PSMD3: variants seen among roughly 807,000 people sequenced by gnomAD.
PSMD3 encodes the protein 26S proteasome non-ATPase regulatory subunit 3.
Under a neutral mutation model 62.8 loss-of-function variants are expected in PSMD3, and 5 were observed. The observed-to-expected ratio is 0.08, with a 90% CI of 0.04 to 0.17. PSMD3 has a LOEUF of 0.17. Ranked by LOEUF, PSMD3 falls within the 10% of genes least tolerant of loss-of-function variation. The pLI, the probability that PSMD3 is intolerant of heterozygous loss-of-function variation, is 1.00. For synonymous variants in PSMD3, 265 were observed against 283.9 expected (o/e 0.93, Z 0.67); for missense variants, 524 against 713.6 (o/e 0.73, Z 3.03).
intron 2 of PSMD3, 141 bp downstream of exon 2, chr17:39,984,625 T>G: frequency 1.3e-6 from 1 of 748,400 alleles, no homozygotes; most frequent in Non-Finnish European, 2.1e-6. Context: ...TGAATACTCA[T>G]CTGCACAGTG....
intron 11 of PSMD3, 27 bp from the exon 12 acceptor site, chr17:39,997,477 T>C: frequency 6.2e-7 from 1 of 1,613,910 alleles, no homozygotes; most frequent in South Asian, 1.1e-5. Flanking sequence ...GCTCTGAAGC[T>C]TTGGCCTCAC....
Position 39,996,668 on chromosome 17 carries a change from A to G in PSMD3, c.1476+330A>G. ...CTGTTTCTCCATCTCTGAAGCTGAT[A>G]GGGAGGTGTTACCTGTCTTGCTTGC... On this transcript the variant is annotated intron_variant, in intron 10 of 11. Coordinates refer to ENST00000264639, the MANE Select transcript of PSMD3 (RefSeq NM_002809.4). The surrounding 1 kb of genome is among the most constrained non-coding windows in gnomAD (Gnocchi z 5.1). 2 of 516,638 alleles carry G rather than the reference A, an allele frequency of 3.9e-6. No individual in the cohort carries two copies. Among genetic ancestry groups the G allele is most frequent in the Non-Finnish European group, 7.5e-6 (2 of 267,222 alleles). The allele number at this position is 516,638 out of a possible 1,614,324, so 32.0% of individuals were successfully genotyped here.
Position 39,996,421 on chromosome 17 carries a change from G to A in PSMD3, c.1476+83G>A, listed in dbSNP as rs922492434. On this transcript the variant is annotated intron_variant, in intron 10 of 11. Transcript: ENST00000264639. This position sits in a 1 kb window ranked among gnomAD's most constrained non-coding sequence, Gnocchi z 5.1. ...CTCATGGATTCCTCAGAGAAGACTGGCTTAATTTGTGGCCCACGTCCCAGC... is the reference window on the plus strand; with the variant it reads ...CTCATGGATTCCTCAGAGAAGACTGACTTAATTTGTGGCCCACGTCCCAGC... 83 of 1,523,390 alleles carry A rather than the reference G, an allele frequency of 5.4e-5. No individual in the cohort carries two copies. Among genetic ancestry groups the A allele is most frequent in the Non-Finnish European group, 6.5e-5 (73 of 1,122,588 alleles). 94.4% of individuals were successfully genotyped at this position (1,523,390 alleles called of 1,614,324 possible). A position where few individuals can be genotyped will look rare whatever the true frequency, so the allele number is the denominator to read the frequency against.
rs1235414716 is a variant in PSMD3 at position 39,989,759 on chromosome 17, G to A, written c.707G>A (p.Arg236Gln). The change falls in exon 5 of 12, where the codon CGG becomes CAG. Residue 236 changes from arginine to glutamine, a missense_variant. Physicochemically the swap from Arg to Gln is conservative, Grantham distance 43. Around this residue, in one of 4 missense-constraint regions of PSMD3, gnomAD observed 396 missense variants for 475.8 expected, o/e 0.83. Transcript: ENST00000264639. Reference sequence around the variant, plus strand: ...TGAAGCTTCTTGCATGCTCGGCTCCGGACAGCTACGCTTCGGCATGACGCA... The same window carrying A: ...TGAAGCTTCTTGCATGCTCGGCTCCAGACAGCTACGCTTCGGCATGACGCA... Reference protein sequence around the residue: ...VVRSFLHARLRTATLRHDADG... With the variant: ...VVRSFLHARLQTATLRHDADG... 8 of 1,613,728 alleles carry A rather than the reference G, an allele frequency of 5.0e-6. No individual in the cohort carries two copies. Among genetic ancestry groups the A allele is most frequent in the East Asian group, 4.5e-5 (2 of 44,886 alleles).
At chr17:39,982,939 G>T (rs1163274340) in intron 1 of PSMD3, among the ~76,000 whole-genome samples, 1 of 152,106 alleles carries the variant, frequency 6.6e-6, no homozygotes, top group African/African-American at 2.4e-5. Context: ...AGTTTAAAAG[G>T]CTGAACATTT....
At position 39,983,995 on chromosome 17, in the gene PSMD3, C is replaced by T. The variant is rs112428804; in HGVS notation, c.221-299C>T. ...CGGGCAGATCACGAGGTCAGGAGAT[C>T]GAGACCATCCTGGCTAACACGGTGA... On this transcript the variant is annotated intron_variant, in intron 1 of 11. Coordinates refer to ENST00000264639, the MANE Select transcript of PSMD3 (RefSeq NM_002809.4). 8.8e-3 allele frequency among the ~76,000 whole-genome samples: 1,331 copies of T among 152,044 alleles called. 6 individuals carry two copies. Among genetic ancestry groups the T allele is most frequent in the Non-Finnish European group, 0.012 (833 of 67,980 alleles).
At position 39,996,383 on chromosome 17, in the gene PSMD3, C is replaced by A; in HGVS notation, c.1476+45C>A. ...AGAGTCACGCCTGGCAGCAGCACAC[C>A]CCTCCCTCCACACTCATGGATTCCT... On this transcript the variant is annotated intron_variant, in intron 10 of 11. Coordinates refer to ENST00000264639, the MANE Select transcript of PSMD3 (RefSeq NM_002809.4). The surrounding 1 kb of genome is among the most constrained non-coding windows in gnomAD (Gnocchi z 5.1). 1 of 1,593,724 alleles carries A rather than the reference C, an allele frequency of 6.3e-7. No homozygotes were observed. The highest frequency in any genetic ancestry group is 8.6e-7 in the Non-Finnish European group (1 of 1,167,240).
intron 4 of PSMD3, among the ~76,000 whole-genome samples, chr17:39,989,027 G>T (rs567978330): frequency 6.6e-6 from 1 of 152,308 alleles, no homozygotes; most frequent in South Asian, 2.1e-4. Context: ...GGGCTGTAAA[G>T]AACTGTCCCC....
chr17:39,982,129 T>C (rs1412176720), intron 1 of PSMD3, among the ~76,000 whole-genome samples: 15 of 152,208 alleles, frequency 9.9e-5, no homozygotes, highest in Non-Finnish European at 1.8e-4. Flanking sequence ...AGCAAAGTTA[T>C]CCTCCTAGGT....
In PSMD3 at chr17:39,994,934, T is replaced by TCCCCTGTCACTCTGTC; in HGVS notation, c.982-18_982-3dup. ...CCATGGGGCTCCCTGCCCACTGTGT[T>TCCCCTGTCACTCTGTC]CCCCTGTCACTCTGTCCAGGTGCAC... On this transcript the variant is annotated intron_variant, in intron 6 of 11. Coordinates refer to ENST00000264639, the MANE Select transcript of PSMD3 (RefSeq NM_002809.4). 6.2e-7 allele frequency: 1 copy of TCCCCTGTCACTCTGTC among 1,608,512 alleles called. No homozygotes were observed. The highest frequency in any genetic ancestry group is 1.3e-5 in the African/African-American group (1 of 74,878).
chr17:39,996,491 T>C lies in PSMD3; in HGVS notation c.1476+153T>C, dbSNP rs1277545359. On this transcript the variant is annotated intron_variant, in intron 10 of 11. Coordinates refer to ENST00000264639, the MANE Select transcript of PSMD3 (RefSeq NM_002809.4). This position sits in a 1 kb window ranked among gnomAD's most constrained non-coding sequence, Gnocchi z 5.1. The stretch of plus-strand genomic sequence containing the variant: ...GAGCTGCAGCACAGGGGGCCCAGAA[T>C]GGGGAGGGGACTTGGCCATAGTTCC... Among the ~76,000 whole-genome samples the C allele has an allele frequency of 6.6e-6, 1 of 152,176 alleles. No homozygotes were observed. Among genetic ancestry groups the C allele is most frequent in the Non-Finnish European group, 1.5e-5 (1 of 68,038 alleles).
At chr17:39,981,701 C>T (rs529910260) in intron 1 of PSMD3, among the ~76,000 whole-genome samples, 10 of 152,326 alleles carry the variant, frequency 6.6e-5, no homozygotes, top group Non-Finnish European at 1.0e-4. Context: ...TATCTTGTTT[C>T]CTACTTCTCT....
chr17:39,983,970 C>T (rs546387138), intron 1 of PSMD3, among the ~76,000 whole-genome samples: 27 of 152,052 alleles, frequency 1.8e-4, no homozygotes, highest in Admixed American at 1.3e-3. Context: ...GAGGCCAAGG[C>T]GGGCAGATCA....
chr17:39,993,161 T>C (rs1395064678), intron 6 of PSMD3: 1 of 152,254 alleles, frequency 6.6e-6, no homozygotes, highest in African/African-American at 2.4e-5. Context: ...GATGGCCGTC[T>C]CCTGGTGTTT....
chr17:39,989,628 A>C, intron 4 of PSMD3, 111 bp from the exon 5 acceptor site: 1 of 1,104,124 alleles, frequency 9.1e-7, no homozygotes, highest in Non-Finnish European at 1.3e-6. Flanking sequence ...GCAAATAACC[A>C]GAAAAGCAAT....
Position 39,996,839 on chromosome 17 carries a change from A to C in PSMD3, c.1477-491A>C. The C allele has an allele frequency of 2.2e-6, 1 of 449,546 alleles. No individual in the cohort carries two copies. The highest frequency in any genetic ancestry group is 2.5e-5 in the Admixed American group (1 of 39,782). The allele number at this position is 449,546 out of a possible 1,614,324, so 27.8% of individuals were successfully genotyped here. On this transcript the variant is annotated intron_variant, in intron 10 of 11. Transcript: ENST00000264639. The surrounding 1 kb of genome is among the most constrained non-coding windows in gnomAD (Gnocchi z 5.1). The stretch of plus-strand genomic sequence containing the variant: ...AAGCACTGAGTTTGGCGCTGTTACT[A>C]TTTGCTTGCCATGTTTTTTTCTGGT...
Position 39,995,270 on chromosome 17 carries a change from G to C in PSMD3, c.1191G>C (p.Arg397=). The change falls in exon 8 of 12, where the codon CGG becomes CGC. Residue 397 remains arginine, a synonymous_variant. Transcript: ENST00000264639. This position sits in a 1 kb window ranked among gnomAD's most constrained non-coding sequence, Gnocchi z 4.1. ...QADGTYTLII[R]LRHNVIKTGV... ...ATGGGACCTACACCCTAATTATCCG[G>C]CTGCGGCACAACGTGATTAAGACAG... 6.2e-7 allele frequency: 1 copy of C among 1,614,176 alleles called. No homozygotes were observed. Among genetic ancestry groups the C allele is most frequent in the South Asian group, 1.1e-5 (1 of 91,086 alleles).
chr17:39,995,018 G>T lies in PSMD3; in HGVS notation c.1046G>T (p.Arg349Leu). 1 of 1,614,046 alleles carries T rather than the reference G, an allele frequency of 6.2e-7. No homozygotes were observed. Among genetic ancestry groups the T allele is most frequent in the Non-Finnish European group, 8.5e-7 (1 of 1,180,026 alleles). Residue 349 changes from arginine (R) to leucine (L), a missense_variant, in exon 7 of 12, where the codon CGC (arginine) becomes CTC (leucine). By Grantham distance (102) the Arg-to-Leu change is moderately radical. Coordinates refer to ENST00000264639, the MANE Select transcript of PSMD3 (RefSeq NM_002809.4). This position sits in a 1 kb window ranked among gnomAD's most constrained non-coding sequence, Gnocchi z 4.1. The part of the protein sequence containing the change: ...LGEIPDRLQF[R>L]QPSLKRSLMP... ...GAGATCCCTGACCGGCTGCAGTTCC[G>T]CCAGCCCTCCCTCAAGCGCTCACTC...
chr17:39,997,680 T>C lies in PSMD3; in HGVS notation c.*99T>C. Reference sequence around the variant, plus strand: ...CTGTCCCCATTTTCCCACACACAGCTCATATGCTGCATTCGTGCAGGGGGT... The same window carrying C: ...CTGTCCCCATTTTCCCACACACAGCCCATATGCTGCATTCGTGCAGGGGGT... On this transcript the variant is annotated 3_prime_UTR_variant, in exon 12 of 12. Coordinates refer to ENST00000264639, the MANE Select transcript of PSMD3 (RefSeq NM_002809.4). The C allele has an allele frequency of 7.3e-7, 1 of 1,369,490 alleles. No individual in the cohort carries two copies. Among genetic ancestry groups the C allele is most frequent in the East Asian group, 2.4e-5 (1 of 41,280 alleles). 84.8% of individuals were successfully genotyped at this position (1,369,490 alleles called of 1,614,324 possible). A position where few individuals can be genotyped will look rare whatever the true frequency, so the allele number is the denominator to read the frequency against.
Sources: gnomAD v4.1 joint callset for allele counts (sites outside exome capture counted in the v4.1 genomes callset) on GRCh38, gnomAD v4.1.1 for gene constraint, gnomAD v4.1.1 regional missense constraint, Gnocchi (gnomAD v3.1) non-coding constraint, MANE v1.5 for transcripts, NCBI Gene and HGNC (gene_info 2026-07-23, HGNC 2026-07-21) for gene names.